Variants in GLDN observed in about 807,000 individuals in gnomAD.
The protein encoded by GLDN is collomin.
A neutral mutation model predicts 56.5 loss-of-function variants in GLDN; 47 were observed. The observed-to-expected ratio is 0.83, with a 90% CI of 0.66 to 1.06. The LOEUF (loss-of-function observed/expected upper bound fraction) is 1.06, where lower values mean the gene tolerates loss of function less well. GLDN is among the 50% of genes least tolerant of loss of function. GLDN has a pLI of 0.00. For synonymous variants in GLDN, 332 were observed against 278.8 expected (o/e 1.19, Z -1.90); for missense variants, 782 against 714.3 (o/e 1.09, Z -1.08).
intron 1 of GLDN, among the ~76,000 whole-genome samples, chr15:51,368,332 G>T (rs530542308): frequency 6.6e-6 from 1 of 151,994 alleles, no homozygotes; most frequent in Non-Finnish European, 1.5e-5. Flanking sequence ...GACTGGCCAC[G>T]CTGCTGGGCA....
At chr15:51,378,993 C>T (rs2037696322) in intron 2 of GLDN, among the ~76,000 whole-genome samples, 1 of 152,182 alleles carries the variant, frequency 6.6e-6, no homozygotes, top group Non-Finnish European at 1.5e-5. Context: ...TTTAGCTTCC[C>T]ACTGGATTCA....
chr15:51,373,958 A>T (rs771752948), intron 1 of GLDN, among the ~76,000 whole-genome samples: 1 of 152,178 alleles, frequency 6.6e-6, no homozygotes, highest in Non-Finnish European at 1.5e-5. Context: ...AATCATTATG[A>T]CCAGAAAAAA....
chr15:51,396,724 TC>T (rs2038136697), intron 5 of GLDN, among the ~76,000 whole-genome samples: 1 of 152,130 alleles, frequency 6.6e-6, no homozygotes, highest in Non-Finnish European at 1.5e-5. Context: ...TGACCCTGAA[TC>T]AGTTGCCCAT....
downstream of GLDN, among the ~76,000 whole-genome samples, chr15:51,408,368 A>G (rs2038426672): frequency 6.6e-6 from 1 of 152,240 alleles, no homozygotes; most frequent in Non-Finnish European, 1.5e-5. Flanking sequence ...AAGTCTCTTA[A>G]TCCCTCAGAG....
chr15:51,377,680 G>T (rs1480547278), intron 2 of GLDN, among the ~76,000 whole-genome samples, 180 bp downstream of exon 2: 1 of 152,184 alleles, frequency 6.6e-6, no homozygotes, highest in African/African-American at 2.4e-5. Context: ...AATATTTTCA[G>T]TATTGCCATA....
Position 51,377,501 on chromosome 15 carries a change from G to T in GLDN, c.415+1G>T. Reference sequence around the variant, plus strand: ...AGCACCAAGGGCATCTGCCTCACAGGTAGGCTGGCCGCTGAGCAGAGCCGC... The same window carrying T: ...AGCACCAAGGGCATCTGCCTCACAGTTAGGCTGGCCGCTGAGCAGAGCCGC... On this transcript the variant is annotated splice_donor_variant, in intron 2 of 9. Transcript: ENST00000335449. LOFTEE classifies it high-confidence loss of function. The T allele has an allele frequency of 6.2e-7, 1 of 1,613,700 alleles. No individual in the cohort carries two copies.
chr15:51,412,935 A>G (rs556118599), downstream of GLDN, among the ~76,000 whole-genome samples: 6 of 152,270 alleles, frequency 3.9e-5, no homozygotes, highest in East Asian at 1.2e-3. Context: ...AAAAGGTTTG[A>G]AGACTCTCGG....
In GLDN at chr15:51,394,960, T is replaced by C. The variant is rs2038095511; in HGVS notation, c.667T>C (p.Ser223Pro). The change falls in exon 5 of 10, where the codon TCC (serine) becomes CCC (proline). Residue 223 changes from serine (S) to proline (P), a missense_variant. Coordinates refer to ENST00000335449, the MANE Select transcript of GLDN (RefSeq NM_181789.4). ...KGEKGDKGDV[S>P]NDVLLAGAKG... ...AGAAAAGGGTGACAAAGGAGATGTG[T>C]CCAACGACGTGCTCCTGGCAGGTAA... 6.2e-7 allele frequency: 1 copy of C among 1,603,722 alleles called. No individual in the cohort carries two copies. Among genetic ancestry groups the C allele is most frequent in the South Asian group, 1.1e-5 (1 of 88,480 alleles).
At position 51,397,314 on chromosome 15, in the gene GLDN, TCCTCCCTCCCTTTCTCTGTTCCTC is replaced by T. The variant is rs2038151544; in HGVS notation, c.689-144_689-121del. Among the ~76,000 whole-genome samples the T allele has an allele frequency of 2.7e-5, 4 of 149,626 alleles. No individual in the cohort carries two copies. The South Asian group carries it at 8.6e-4, about 32-fold the overall frequency. On this transcript the variant is annotated intron_variant, in intron 5 of 9. Transcript: ENST00000335449. Reference sequence around the variant, plus strand: ...TCCCACCCTCTCTCCCTTCTTCTCTTCCTCCCTCCCTTTCTCTGTTCCTCCCTCCCTCCCTCCCTCCCCTTTCCT... The same window carrying T: ...TCCCACCCTCTCTCCCTTCTTCTCTTCCTCCCTCCCTCCCTCCCCTTTCCT...
At chr15:51,355,152 A>G (rs1473007096) in intron 1 of GLDN, among the ~76,000 whole-genome samples, 1 of 152,238 alleles carries the variant, frequency 6.6e-6, no homozygotes, top group African/African-American at 2.4e-5. Flanking sequence ...CAAGCTTATT[A>G]GAAAAGTAAA....
At chr15:51,383,627 A>T (rs1483343537) in intron 3 of GLDN, among the ~76,000 whole-genome samples, 158 bp from the exon 4 acceptor site, 1 of 152,068 alleles carries the variant, frequency 6.6e-6, no homozygotes, top group Non-Finnish European at 1.5e-5. Context: ...CCCACTTGGC[A>T]CTGCTTCAGC....
chr15:51,359,627 C>G (rs2037252142), intron 1 of GLDN, among the ~76,000 whole-genome samples: 1 of 152,124 alleles, frequency 6.6e-6, no homozygotes, highest in Admixed American at 6.5e-5. Flanking sequence ...CGCCATAACA[C>G]AGGGAAAGGA....
chr15:51,397,095 C>A (rs2038145406), intron 5 of GLDN, among the ~76,000 whole-genome samples: 1 of 152,088 alleles, frequency 6.6e-6, no homozygotes, highest in South Asian at 2.1e-4. Context: ...AGAGGGTGTC[C>A]CCTGGAGGAG....
intron 1 of GLDN, among the ~76,000 whole-genome samples, chr15:51,356,747 A>G (rs1333523363): frequency 6.6e-6 from 1 of 152,156 alleles, no homozygotes; most frequent in Non-Finnish European, 1.5e-5. Flanking sequence ...TCTAACCTAC[A>G]AGTTATCATA....
intron 4 of GLDN, among the ~76,000 whole-genome samples, chr15:51,388,286 A>G (rs538462702): frequency 1.3e-5 from 2 of 152,252 alleles, no homozygotes; most frequent in African/African-American, 4.8e-5. Context: ...AGTGGGATCA[A>G]TCAAAATATT....
intron 1 of GLDN, among the ~76,000 whole-genome samples, chr15:51,366,447 T>C (rs2141071605): frequency 6.6e-6 from 1 of 152,298 alleles, no homozygotes; most frequent in East Asian, 1.9e-4. Flanking sequence ...GGGAAAGGTT[T>C]AGGAAGGTGG....
chr15:51,382,561 CA>C (rs1350896428), intron 2 of GLDN, among the ~76,000 whole-genome samples: 1 of 141,710 alleles, frequency 7.1e-6, no homozygotes, highest in African/African-American at 2.8e-5. Context: ...ACTAAAAATA[CA>C]TAAAAAAAAA....
intron 1 of GLDN, among the ~76,000 whole-genome samples, chr15:51,351,372 G>A (rs529790902): frequency 3.3e-5 from 5 of 152,076 alleles, no homozygotes; most frequent in Non-Finnish European, 7.4e-5. Flanking sequence ...CCACTATGCC[G>A]GGGAAAAAAT....
At chr15:51,348,942 C>A (rs1218039044) in intron 1 of GLDN, among the ~76,000 whole-genome samples, 1 of 152,110 alleles carries the variant, frequency 6.6e-6, no homozygotes, top group African/African-American at 2.4e-5. Context: ...GTGATTGTTG[C>A]TATTACTGAT....
Sources: allele counts gnomAD v4.1 joint callset (sites outside exome capture counted in the v4.1 genomes callset), GRCh38; gene constraint gnomAD v4.1.1; transcripts MANE v1.5; gene names NCBI Gene and HGNC (gene_info 2026-07-23, HGNC 2026-07-21).